Variants in ATG7 observed in about 807,000 individuals in gnomAD.
The protein encoded by ATG7 is autophagy related 7, also known as ubiquitin-like modifier-activating enzyme ATG7.
Under a neutral mutation model 82.4 loss-of-function variants are expected in ATG7, and 70 were observed. The observed-to-expected ratio is 0.85, with a 90% CI of 0.70 to 1.04. The LOEUF is 1.04. Ranked by LOEUF, ATG7 falls within the 50% of genes least tolerant of loss-of-function variation. The probability of loss-of-function intolerance (pLI) is 0.00; values close to 1 mark genes in which losing one functional copy is unlikely to be tolerated. For synonymous variants in ATG7, 287 were observed against 313.0 expected (o/e 0.92, Z 0.88); for missense variants, 792 against 864.3 (o/e 0.92, Z 1.05).
intron 20 of ATG7, among the ~76,000 whole-genome samples, chr3:11,440,323 C>CT (rs59365367): frequency 0.28 from 31,959 of 112,646 alleles, 6,156 homozygotes; most frequent in South Asian, 0.41. Flanking sequence ...GGCCTTTACT[C>CT]TTTTTTTTTT....
intron 9 of ATG7, among the ~76,000 whole-genome samples, chr3:11,319,811 C>T (rs533184555): frequency 6.6e-6 from 1 of 152,338 alleles, no homozygotes; most frequent in East Asian, 1.9e-4. Flanking sequence ...GTCTCTCAGC[C>T]TACCACCTTG....
intron 1 of ATG7, among the ~76,000 whole-genome samples, chr3:11,276,954 C>G (rs1941937826): frequency 1.3e-5 from 2 of 152,294 alleles, no homozygotes; most frequent in East Asian, 3.9e-4. Context: ...CGTTCTTTCT[C>G]CATTCTTGAA....
At chr3:11,394,342 C>A (rs1456279581) in intron 19 of ATG7, among the ~76,000 whole-genome samples, 1 of 152,204 alleles carries the variant, frequency 6.6e-6, no homozygotes, top group African/African-American at 2.4e-5. Context: ...AGCTCTCTTA[C>A]TGAAGTCACC....
Position 11,455,010 on chromosome 3 carries a change from G to A in ATG7, c.2079+28084G>A, listed in dbSNP as rs117545721. On this transcript the variant is annotated intron_variant, in intron 20 of 20. Transcript: ENST00000693202. ...ATATGGAAAGATAGCCTGACTTACT[G>A]ATTTATAAAAGTTCAGCTTTATTTC... Among the ~76,000 whole-genome samples, 596 of 152,236 alleles carry A rather than the reference G, an allele frequency of 3.9e-3. 11 individuals carry two copies. In the East Asian group the frequency reaches 0.052, roughly 13 times the overall value.
rs530535051 is a variant in ATG7 at position 11,345,326 on chromosome 3, G to A, written c.1126-2551G>A. On this transcript the variant is annotated intron_variant, in intron 13 of 20. Coordinates refer to ENST00000693202, the MANE Select transcript of ATG7 (RefSeq NM_001349232.2). Reference sequence around the variant, plus strand: ...CGGGAGGCTGAGGCAGGAGAATGGCGTGAACCCAGGAGGTGGAGCTTGCAG... The same window carrying A: ...CGGGAGGCTGAGGCAGGAGAATGGCATGAACCCAGGAGGTGGAGCTTGCAG... Among the ~76,000 whole-genome samples, 29 of 152,228 alleles carry A rather than the reference G, an allele frequency of 1.9e-4. 1 individual carries two copies. Among genetic ancestry groups the A allele is most frequent in the Admixed American group, 1.2e-3 (18 of 15,292 alleles).
intron 20 of ATG7, among the ~76,000 whole-genome samples, chr3:11,470,854 C>T (rs113241007): frequency 1.3e-4 from 20 of 152,118 alleles, no homozygotes; most frequent in African/African-American, 4.8e-4. Flanking sequence ...AGGAAGGCAC[C>T]GGCATTTATT....
At chr3:11,403,018 T>C (rs1056825036) in intron 19 of ATG7, among the ~76,000 whole-genome samples, 1 of 152,230 alleles carries the variant, frequency 6.6e-6, no homozygotes, top group Admixed American at 6.5e-5. Flanking sequence ...CATTAAGACA[T>C]ATCAAACAAA....
At chr3:11,467,526 C>G (rs1214402977) in intron 20 of ATG7, among the ~76,000 whole-genome samples, 1 of 152,164 alleles carries the variant, frequency 6.6e-6, no homozygotes, top group Non-Finnish European at 1.5e-5. Flanking sequence ...TAGGCATCCA[C>G]CATCGTGCCT....
chr3:11,524,973 G>A (rs1384230000), intron 20 of ATG7, among the ~76,000 whole-genome samples: 1 of 152,012 alleles, frequency 6.6e-6, no homozygotes, highest in African/African-American at 2.4e-5. Context: ...TTCCCTAGCC[G>A]CTTCAGAATT....
chr3:11,401,224 G>C (rs2079806164), intron 19 of ATG7, among the ~76,000 whole-genome samples: 2 of 152,174 alleles, frequency 1.3e-5, no homozygotes, highest in African/African-American at 4.8e-5. Context: ...GCATGCTCAA[G>C]TTTTGATAAA....
intron 3 of ATG7, chr3:11,288,595 G>A (rs979404845): frequency 1.3e-5 from 2 of 151,978 alleles, no homozygotes; most frequent in Non-Finnish European, 1.5e-5. Context: ...GGCAAAAAAG[G>A]TCATGCAGTG....
intron 20 of ATG7, among the ~76,000 whole-genome samples, chr3:11,478,989 A>AACACACACACACACAC (rs71628717): frequency 2.1e-4 from 15 of 73,132 alleles, no homozygotes; most frequent in Admixed American, 4.2e-4. Context: ...GTATATTTAC[A>AACACACACACACACAC]ACACACACAC....
intron 20 of ATG7, among the ~76,000 whole-genome samples, chr3:11,460,743 A>G (rs1467857314): frequency 2.0e-5 from 3 of 152,226 alleles, no homozygotes; most frequent in Non-Finnish European, 4.4e-5. Flanking sequence ...GACAAATAAT[A>G]TCTATACAGT....
chr3:11,566,640 C>A, the ATG7 span, among the ~76,000 whole-genome samples: 122,682 of 152,056 alleles, frequency 0.81, 49,610 homozygotes, highest in East Asian at 0.9. Flanking sequence ...CGGCCACTCT[C>A]TGCCTCTGTG....
intron 10 of ATG7, 31 bp downstream of exon 10, chr3:11,331,459 G>C: frequency 2.7e-6 from 4 of 1,488,670 alleles, no homozygotes; most frequent in Non-Finnish European, 2.8e-6. Context: ...TTGTCTGTCT[G>C]TCTGCCTTTG....
At chr3:11,538,492 T>C (rs1428970808) in intron 20 of ATG7, among the ~76,000 whole-genome samples, 1 of 151,236 alleles carries the variant, frequency 6.6e-6, no homozygotes, top group Non-Finnish European at 1.5e-5. Context: ...TCCTTAAGTG[T>C]AAAAATGCCA....
rs73019559 is a variant in ATG7 at position 11,456,195 on chromosome 3, G to A, written c.2079+29269G>A. 9.9e-3 allele frequency among the ~76,000 whole-genome samples: 1,511 copies of A among 152,144 alleles called. 11 individuals carry two copies. The highest frequency in any genetic ancestry group is 0.016 in the Non-Finnish European group (1,065 of 68,010). ...GCGATGACTAATCTTTCGTCTCTTC[G>A]GATTTGCGTGTTCTGAACATCTCAT... is the stretch of plus-strand genomic sequence containing the variant. On this transcript the variant is annotated intron_variant, in intron 20 of 20. Coordinates refer to ENST00000693202, the MANE Select transcript of ATG7 (RefSeq NM_001349232.2).
At chr3:11,459,766 CAA>C (rs924362641) in intron 20 of ATG7, among the ~76,000 whole-genome samples, 5 of 152,186 alleles carry the variant, frequency 3.3e-5, no homozygotes, top group African/African-American at 1.2e-4. Context: ...GAATTACAAA[CAA>C]GAGTGGCAAC....
chr3:11,554,822 G>C lies in ATG7; in HGVS notation c.2091G>C (p.Met697Ile), dbSNP rs570582042. 1.9e-6 allele frequency: 3 copies of C among 1,613,278 alleles called. No homozygotes were observed. The highest frequency in any genetic ancestry group is 3.3e-5 in the Admixed American group (2 of 59,956). Residue 697 changes from methionine to isoleucine, a missense_variant, in exon 21 of 21, where the codon ATG becomes ATC. Physicochemically the swap from Met to Ile is conservative, Grantham distance 10 (BLOSUM62 1). Coordinates refer to ENST00000693202, the MANE Select transcript of ATG7 (RefSeq NM_001349232.2). ...CCTTCTCCATGCAGATCTGGGACAT[G>C]AGCGATGATGAGACCATCTGAGATG... The part of the protein sequence containing the change: ...QETQAAEIWD[M>I]SDDETI
Sources: allele counts gnomAD v4.1 joint callset (sites outside exome capture counted in the v4.1 genomes callset), GRCh38; gene constraint gnomAD v4.1.1; transcripts MANE v1.5; gene names NCBI Gene and HGNC (gene_info 2026-07-23, HGNC 2026-07-21).